The following DOCK4 variants were observed in gnomAD, a reference collection of about 807,000 sequenced individuals.
DOCK4 encodes dedicator of cytokinesis protein 4.
DOCK4 carries 97 observed loss-of-function variants against 268.1 expected under a neutral mutation model. The ratio of observed to expected loss-of-function variants is 0.36; its 90% CI spans 0.31 to 0.43. The LOEUF is 0.43. Among genes scored for constraint, DOCK4 ranks in the 20% least tolerant of loss-of-function variants. The pLI, the probability that DOCK4 is intolerant of heterozygous loss-of-function variation, is 1.00. For synonymous variants in DOCK4, 954 were observed against 887.2 expected (o/e 1.08, Z -1.34); for missense variants, 2,145 against 2,455.7 (o/e 0.87, Z 2.67).
intron 33 of DOCK4, 32 bp from the exon 34 acceptor site, chr7:111,783,984 C>T (rs1475801054): frequency 1.3e-6 from 2 of 1,575,418 alleles, no homozygotes; most frequent in African/African-American, 2.7e-5. Flanking sequence ...GCATTTTCAA[C>T]ATTTATTTTT....
chr7:112,133,280 GAGTCC>G (rs1813979251), intron 1 of DOCK4, among the ~76,000 whole-genome samples: 1 of 136,972 alleles, frequency 7.3e-6, no homozygotes, highest in Non-Finnish European at 1.6e-5. Flanking sequence ...AACCAAAATA[GAGTCC>G]AGGGCTGATC....
At chr7:112,141,729 G>A (rs767137067) in intron 1 of DOCK4, among the ~76,000 whole-genome samples, 6 of 152,020 alleles carry the variant, frequency 3.9e-5, no homozygotes, top group Non-Finnish European at 2.9e-5. Context: ...GTTAATGGGG[G>A]CCTGGCAGGT....
chr7:112,097,138 T>C (rs920912044), intron 1 of DOCK4, among the ~76,000 whole-genome samples: 1 of 152,008 alleles, frequency 6.6e-6, no homozygotes, highest in Non-Finnish European at 1.5e-5. Flanking sequence ...GAGGAAGTGA[T>C]AGAGGAGTAC....
chr7:112,077,377 A>G (rs1808165199), intron 1 of DOCK4, among the ~76,000 whole-genome samples: 1 of 152,164 alleles, frequency 6.6e-6, no homozygotes, highest in Non-Finnish European at 1.5e-5. Context: ...CATCATATAA[A>G]ATGAAACCCA....
intron 1 of DOCK4, among the ~76,000 whole-genome samples, chr7:112,201,068 G>T (rs1029386873): frequency 5.3e-5 from 8 of 152,074 alleles, no homozygotes; most frequent in African/African-American, 1.9e-4. Context: ...ACCACTAATA[G>T]AAAACACTTT....
At chr7:111,947,542 T>C (rs553494046) in intron 8 of DOCK4, among the ~76,000 whole-genome samples, 16 of 152,226 alleles carry the variant, frequency 1.1e-4, no homozygotes, top group African/African-American at 2.9e-4. Context: ...GTATCCTCAA[T>C]TGAAGCTAAA....
chr7:112,001,611 G>T (rs1307369307), intron 2 of DOCK4, among the ~76,000 whole-genome samples: 11 of 110,596 alleles, frequency 9.9e-5, no homozygotes, highest in African/African-American at 4.9e-4. Flanking sequence ...AATTTAATAA[G>T]GAAAGAAAAA....
At chr7:111,930,641 A>C (rs1794123426) in intron 12 of DOCK4, among the ~76,000 whole-genome samples, 1 of 152,218 alleles carries the variant, frequency 6.6e-6, no homozygotes, top group Non-Finnish European at 1.5e-5. Context: ...AGCGGAAGTC[A>C]ACATTATCTA....
At chr7:111,842,237 G>A (rs568578385) in intron 25 of DOCK4, among the ~76,000 whole-genome samples, 4 of 152,312 alleles carry the variant, frequency 2.6e-5, no homozygotes, top group Admixed American at 2.6e-4. Context: ...CTTGGGACCT[G>A]AGCAAGGGCA....
chr7:112,130,504 T>A (rs1813703049), intron 1 of DOCK4, among the ~76,000 whole-genome samples: 1 of 152,230 alleles, frequency 6.6e-6, no homozygotes. Context: ...GATGCTTTTG[T>A]CAGTTGTTTT....
chr7:112,067,242 T>TA (rs76863833), intron 1 of DOCK4, among the ~76,000 whole-genome samples: 18,578 of 136,060 alleles, frequency 0.14, 1,819 homozygotes, highest in East Asian at 0.39. Context: ...CACCTTTACT[T>TA]AAAAAAAAAA....
intron 25 of DOCK4, among the ~76,000 whole-genome samples, 191 bp downstream of exon 25, chr7:111,844,572 C>T (rs1353573850): frequency 6.6e-6 from 1 of 152,198 alleles, no homozygotes; most frequent in East Asian, 1.9e-4. Context: ...CTGCTTATTC[C>T]AAGTTCCTTT....
At chr7:111,843,578 A>G (rs1213834875) in intron 25 of DOCK4, among the ~76,000 whole-genome samples, 1 of 152,220 alleles carries the variant, frequency 6.6e-6, no homozygotes, top group African/African-American at 2.4e-5. Context: ...ACACCAAATG[A>G]TGATGAGAGT....
intron 44 of DOCK4, among the ~76,000 whole-genome samples, chr7:111,745,579 G>T (rs1796203378): frequency 6.6e-6 from 1 of 151,258 alleles, no homozygotes; most frequent in African/African-American, 2.4e-5. Flanking sequence ...AGCTACTTGG[G>T]AGGCTGAGGC....
chr7:112,066,705 A>ATGTGTGTG (rs1807071549), intron 1 of DOCK4, among the ~76,000 whole-genome samples: 2 of 58,766 alleles, frequency 3.4e-5, no homozygotes, highest in African/African-American at 1.3e-4. Flanking sequence ...ATATATATAT[A>ATGTGTGTG]TATATATATA....
At chr7:111,811,168 A>C (rs1801102307) in intron 28 of DOCK4, among the ~76,000 whole-genome samples, 1 of 152,172 alleles carries the variant, frequency 6.6e-6, no homozygotes, top group Non-Finnish European at 1.5e-5. Context: ...GACAAATATT[A>C]TGTAACTATT....
chr7:112,014,445 C>T (rs575510005), intron 1 of DOCK4, among the ~76,000 whole-genome samples: 37 of 152,204 alleles, frequency 2.4e-4, no homozygotes, highest in African/African-American at 8.2e-4. Context: ...ACCACAAAAG[C>T]GAACTGGAAG....
intron 52 of DOCK4, among the ~76,000 whole-genome samples, chr7:111,730,450 T>C (rs1490813219): frequency 1.3e-5 from 2 of 152,210 alleles, no homozygotes; most frequent in African/African-American, 4.8e-5. Context: ...TGGTTTCTCT[T>C]TGTAAACAAA....
At chr7:112,154,180 CA>C (rs2116426263) in intron 1 of DOCK4, among the ~76,000 whole-genome samples, 1 of 152,170 alleles carries the variant, frequency 6.6e-6, no homozygotes, top group Admixed American at 6.5e-5. Flanking sequence ...CCATGTTGCC[CA>C]AGCTGGTCTC....
Sources: gnomAD v4.1 joint callset for allele counts (sites outside exome capture counted in the v4.1 genomes callset) on GRCh38, gnomAD v4.1.1 for gene constraint, MANE v1.5 for transcripts, NCBI Gene and HGNC (gene_info 2026-07-23, HGNC 2026-07-21) for gene names.